ALS2CL: variants seen among roughly 807,000 people sequenced by gnomAD.
ALS2CL encodes ALS2 C-terminal like.
ALS2CL carries 112 observed loss-of-function variants against 127.9 expected under a neutral mutation model. That is an observed-to-expected ratio of 0.88 (90% CI 0.75 to 1.02). The LOEUF (loss-of-function observed/expected upper bound fraction) is 1.02. Ranked by LOEUF, ALS2CL falls within the 50% of genes least tolerant of loss-of-function variation. The pLI, the probability that ALS2CL is intolerant of heterozygous loss-of-function variation, is 0.00. For missense variants in ALS2CL, 1,174 were observed against 1,236.7 expected (o/e 0.95, Z 0.76); for synonymous variants, 519 against 527.6 (o/e 0.98, Z 0.22).
At chr3:46,678,010 A>AG (rs1163371118) in intron 16 of ALS2CL, among the ~76,000 whole-genome samples, 1 of 151,730 alleles carries the variant, frequency 6.6e-6, no homozygotes. Context: ...CAAAAAAAAA[A>AG]AAAAAGCAGG....
rs7625303 is a variant in ALS2CL at position 46,671,967 on chromosome 3, C to G, written c.2601G>C (p.Thr867=). 0.23 allele frequency: 364,803 copies of G among 1,613,782 alleles called. 42,632 individuals are homozygous for G. The highest frequency in any genetic ancestry group is 0.37 in the East Asian group (16,790 of 44,852). The change falls in exon 24 of 26, where the codon ACG becomes ACC. Residue 867 remains threonine (T), a synonymous_variant. Coordinates refer to ENST00000318962, the MANE Select transcript of ALS2CL (RefSeq NM_147129.5). The part of the protein sequence containing the change: ...LERTYGEIEG[T]VSRVLGREYK... ...ACTCCCGGCCCAATACCCTCGACAC[C>G]GTGCCCTCAATTTCCCCGTATGTCC...
At chr3:46,691,833 C>T (rs1481488091) in intron 1 of ALS2CL, among the ~76,000 whole-genome samples, 8 of 151,146 alleles carry the variant, frequency 5.3e-5, no homozygotes, top group African/African-American at 7.3e-5. Flanking sequence ...GCTGGGATTA[C>T]AGGCGTGAGC....
chr3:46,670,878 C>T lies in ALS2CL; in HGVS notation c.*106G>A. On this transcript the variant is annotated 3_prime_UTR_variant, in exon 26 of 26. Transcript: ENST00000318962. This position sits in a 1 kb window ranked among gnomAD's most constrained non-coding sequence, Gnocchi z 5.5. The stretch of plus-strand genomic sequence containing the variant: ...CTGTGCAAAACAAAATGCTCATCTC[C>T]TCCAAGAGCTGCTTCTGAGGGCCTG... 1 of 1,204,348 alleles carries T rather than the reference C, an allele frequency of 8.3e-7. No individual in the cohort carries two copies. Among genetic ancestry groups the T allele is most frequent in the South Asian group, 1.3e-5 (1 of 79,882 alleles). 74.6% of individuals were successfully genotyped at this position (1,204,348 alleles called of 1,614,324 possible). A position where few individuals can be genotyped will look rare whatever the true frequency, so the allele number is the denominator to read the frequency against.
chr3:46,687,576 A>T, intron 4 of ALS2CL, 43 bp downstream of exon 4: 1 of 1,604,588 alleles, frequency 6.2e-7, no homozygotes, highest in Non-Finnish European at 8.5e-7. Context: ...TCACTCAGGC[A>T]CTCCCACCCT....
Position 46,681,957 on chromosome 3 carries a change from G to A in ALS2CL, c.1175+72C>T. The A allele has an allele frequency of 6.5e-7, 1 of 1,542,274 alleles. No homozygotes were observed. Among genetic ancestry groups the A allele is most frequent in the East Asian group, 2.3e-5 (1 of 43,366 alleles). ...GAATTCAGGATGGGGCCGGGCTGGT[G>A]ACCACAGCAGGGGAGGAAAGCACCC... is the stretch of plus-strand genomic sequence containing the variant. On this transcript the variant is annotated intron_variant, in intron 11 of 25. Coordinates refer to ENST00000318962, the MANE Select transcript of ALS2CL (RefSeq NM_147129.5). This position sits in a 1 kb window ranked among gnomAD's most constrained non-coding sequence, Gnocchi z 4.9.
chr3:46,675,046 G>A (rs950211307), intron 20 of ALS2CL: 6 of 290,722 alleles, frequency 2.1e-5, no homozygotes, highest in Admixed American at 9.6e-5. Flanking sequence ...GCTCTCAGCA[G>A]CCATTCCAGG....
rs762782948 is a variant in ALS2CL, at chr3:46,676,237, G to A, written c.2186+8C>T. 48 of 1,611,020 alleles carry A rather than the reference G, an allele frequency of 3.0e-5. No homozygotes were observed. Among genetic ancestry groups the A allele is most frequent in the East Asian group, 4.5e-5 (2 of 44,838 alleles). Reference sequence around the variant, plus strand: ...GGCAGTAGCTGTCCCGTTTGCCACCGAGCCCACCTGTAGGCAGCCCAGAGT... The same window carrying A: ...GGCAGTAGCTGTCCCGTTTGCCACCAAGCCCACCTGTAGGCAGCCCAGAGT... On this transcript the variant is annotated splice_region_variant and intron_variant, in intron 19 of 25. Coordinates refer to ENST00000318962, the MANE Select transcript of ALS2CL (RefSeq NM_147129.5).
In ALS2CL at chr3:46,682,069, GC is replaced by G; in HGVS notation, c.1134del (p.Arg379GlyfsTer159). 6.2e-7 allele frequency: 1 copy of G among 1,613,922 alleles called. No individual in the cohort carries two copies. Among genetic ancestry groups the G allele is most frequent in the Non-Finnish European group, 8.5e-7 (1 of 1,179,948 alleles). On this transcript the variant is annotated frameshift_variant, in exon 11 of 26. Transcript: ENST00000318962. LOFTEE classifies it high-confidence loss of function. Reference sequence around the variant, plus strand: ...TGGCAGAAATTCCCCACGTGATTCCGCCCATCCGGCCATTTCAGGGTTCCCC... The same window carrying G: ...TGGCAGAAATTCCCCACGTGATTCCGCCATCCGGCCATTTCAGGGTTCCCC... ...HGKGTLKWPD[G>X]RNHVGNFCQG...
chr3:46,679,329 G>A (rs1699134147), intron 14 of ALS2CL, 42 bp from the exon 15 acceptor site: 2 of 1,486,906 alleles, frequency 1.3e-6, no homozygotes, highest in South Asian at 1.2e-5. Flanking sequence ...GGGTGGGTGA[G>A]GAAGGGCCAG....
chr3:46,672,104 C>A (rs375923505), intron 23 of ALS2CL, 36 bp downstream of exon 23: 3 of 1,614,142 alleles, frequency 1.9e-6, no homozygotes, highest in Non-Finnish European at 2.5e-6. Context: ...CCACACTCTG[C>A]CTCCGGACCC....
intron 25 of ALS2CL, 33 bp from the exon 26 acceptor site, chr3:46,671,097 G>T: frequency 6.3e-7 from 1 of 1,596,986 alleles, no homozygotes; most frequent in South Asian, 1.1e-5. Flanking sequence ...GAGGCCAGTT[G>T]ACCTGCCTGA....
At position 46,674,673 on chromosome 3, in the gene ALS2CL, C is replaced by T. The variant is rs72892131; in HGVS notation, c.2322G>A (p.Thr774=). ...MLPSFYSELF[T]LYLLLHERED... ...CCCGCTCATGAAGCAGCAGGTAGAGCGTGAAGAGCTCTGAGTAGAAGCTGG... is the reference window on the plus strand; with the variant it reads ...CCCGCTCATGAAGCAGCAGGTAGAGTGTGAAGAGCTCTGAGTAGAAGCTGG... The change falls in exon 21 of 26, where the codon ACG becomes ACA. Residue 774 remains threonine (T), a synonymous_variant. Coordinates refer to ENST00000318962, the MANE Select transcript of ALS2CL (RefSeq NM_147129.5). 29 of 1,614,084 alleles carry T rather than the reference C, an allele frequency of 1.8e-5. No homozygotes were observed. In the African/African-American group the frequency reaches 2.8e-4, roughly 16 times the overall value.
At chr3:46,682,203 C>A in intron 10 of ALS2CL, 109 bp from the exon 11 acceptor site, 1 of 1,148,474 alleles carries the variant, frequency 8.7e-7, no homozygotes, top group Non-Finnish European at 1.3e-6. Flanking sequence ...ACTGGGCTCC[C>A]TGCACCCACC....
In ALS2CL at chr3:46,670,919, T is replaced by C. The variant is rs1396659586; in HGVS notation, c.*65A>G. Reference sequence around the variant, plus strand: ...TGAGGGCCTGTCCTGCCCCTTGCCTTGGGTAATGAGGGACAGGCTGGCAGT... The same window carrying C: ...TGAGGGCCTGTCCTGCCCCTTGCCTCGGGTAATGAGGGACAGGCTGGCAGT... On this transcript the variant is annotated 3_prime_UTR_variant, in exon 26 of 26. Coordinates refer to ENST00000318962, the MANE Select transcript of ALS2CL (RefSeq NM_147129.5). The surrounding 1 kb of genome is among the most constrained non-coding windows in gnomAD (Gnocchi z 5.5). The C allele has an allele frequency of 1.3e-6, 2 of 1,516,310 alleles. No individual in the cohort carries two copies. Among genetic ancestry groups the C allele is most frequent in the Non-Finnish European group, 1.8e-6 (2 of 1,092,418 alleles). The allele number at this position is 1,516,310 out of a possible 1,614,324, so 93.9% of individuals were successfully genotyped here.
At chr3:46,688,363 A>T in intron 2 of ALS2CL, 67 bp from the exon 3 acceptor site, 2 of 1,486,442 alleles carry the variant, frequency 1.3e-6, no homozygotes, top group Admixed American at 1.9e-5. Context: ...GAACATGCAC[A>T]GGCCCCAGGT....
intron 1 of ALS2CL, 68 bp from the exon 2 acceptor site, chr3:46,689,533 C>T: frequency 9.1e-7 from 1 of 1,096,542 alleles, no homozygotes; most frequent in East Asian, 2.6e-5. Flanking sequence ...TCCTCTCAGG[C>T]AGGGTGCCCA....
At position 46,681,280 on chromosome 3, in the gene ALS2CL, T is replaced by G. The variant is rs978306289; in HGVS notation, c.1402A>C (p.Arg468=). The change falls in exon 13 of 26, where the codon AGG becomes CGG. Residue 468 remains arginine (R), a synonymous_variant. Coordinates refer to ENST00000318962, the MANE Select transcript of ALS2CL (RefSeq NM_147129.5). This position sits in a 1 kb window ranked among gnomAD's most constrained non-coding sequence, Gnocchi z 4.9. ...TCCTCCTCAATGCCATAGCCGCTCCTCTGGCCCCTCTCCCAGTGGCCCGTG... is the reference window on the plus strand; with the variant it reads ...TCCTCCTCAATGCCATAGCCGCTCCGCTGGCCCCTCTCCCAGTGGCCCGTG... The part of the protein sequence containing the change: ...RYTGHWERGQ[R]SGYGIEEDGD... The G allele has an allele frequency of 1.2e-6, 2 of 1,613,850 alleles. No individual in the cohort carries two copies. The highest frequency in any genetic ancestry group is 2.7e-5 in the African/African-American group (2 of 74,896).
chr3:46,674,533 G>A, intron 21 of ALS2CL, 33 bp downstream of exon 21: 1 of 1,593,420 alleles, frequency 6.3e-7, no homozygotes, highest in South Asian at 1.2e-5. Flanking sequence ...TTTGAGTCCT[G>A]GCTAACACGG....
chr3:46,683,258 C>G lies in ALS2CL; in HGVS notation c.981G>C (p.Val327=), dbSNP rs1283110273. ...GGGAGGGCTCCAGGCCAGCCCCCAG[C>G]ACGGGGAAGTCCTTCTTCCCATGCA... The part of the protein sequence containing the change: ...QALHGKKDFP[V]LGAGLEPSQP... The change falls in exon 10 of 26, where the codon GTG becomes GTC. Residue 327 remains valine (V), a synonymous_variant. Coordinates refer to ENST00000318962, the MANE Select transcript of ALS2CL (RefSeq NM_147129.5). The G allele has an allele frequency of 6.2e-7, 1 of 1,610,330 alleles. No homozygotes were observed. Among genetic ancestry groups the G allele is most frequent in the Non-Finnish European group, 8.5e-7 (1 of 1,178,510 alleles).
Sources: allele counts gnomAD v4.1 joint callset (sites outside exome capture counted in the v4.1 genomes callset), GRCh38; gene constraint gnomAD v4.1.1; non-coding constraint Gnocchi (gnomAD v3.1); transcripts MANE v1.5; gene names NCBI Gene and HGNC (gene_info 2026-07-23, HGNC 2026-07-21).